The following KCNAB1 variants were observed in gnomAD, a reference collection of about 807,000 sequenced individuals.
The protein encoded by KCNAB1 is voltage-gated potassium channel subunit beta-1.
KCNAB1 carries 35 observed loss-of-function variants against 64.6 expected under a neutral mutation model. That is an observed-to-expected ratio of 0.54 (90% CI 0.41 to 0.72). The LOEUF (loss-of-function observed/expected upper bound fraction) is 0.72, where lower values mean the gene tolerates loss of function less well. Among genes scored for constraint, KCNAB1 ranks in the 30% least tolerant of loss-of-function variants. KCNAB1 has a pLI of 0.00. For missense variants in KCNAB1, 401 were observed against 512.9 expected (o/e 0.78, Z 2.11); for synonymous variants, 177 against 183.8 (o/e 0.96, Z 0.30).
intron 8 of KCNAB1, among the ~76,000 whole-genome samples, chr3:156,509,308 T>C (rs890933867): frequency 6.6e-6 from 1 of 152,198 alleles, no homozygotes; most frequent in Non-Finnish European, 1.5e-5. Flanking sequence ...AAAACACATA[T>C]GCAGACTTTG....
intron 1 of KCNAB1, among the ~76,000 whole-genome samples, chr3:156,162,525 G>C (rs1397354597): frequency 6.6e-6 from 1 of 152,118 alleles, no homozygotes; most frequent in East Asian, 1.9e-4. Context: ...GCTGTATCTT[G>C]AGGTTGGAGA....
At chr3:156,277,348 CAG>C (rs1485576523) in intron 1 of KCNAB1, among the ~76,000 whole-genome samples, 6 of 152,104 alleles carry the variant, frequency 3.9e-5, no homozygotes, top group Admixed American at 3.9e-4. Context: ...AAATATGACA[CAG>C]AGACATGAAG....
At chr3:156,204,306 T>C (rs1714520598) in intron 1 of KCNAB1, among the ~76,000 whole-genome samples, 1 of 152,208 alleles carries the variant, frequency 6.6e-6, no homozygotes, top group South Asian at 2.1e-4. Flanking sequence ...TTCTCTTGTC[T>C]CCAGCTCCTG....
rs114985112 is a variant in KCNAB1 at position 156,255,257 on chromosome 3, C to T, written c.275+134371C>T. On this transcript the variant is annotated intron_variant, in intron 1 of 13. Coordinates refer to ENST00000490337, the MANE Select transcript of KCNAB1 (RefSeq NM_172160.3). ...GGTGCTATGAGCCGGATCTTATTTT[C>T]AATTTGAGGTCATTAATATCATTAG... is the stretch of plus-strand genomic sequence containing the variant. Among the ~76,000 whole-genome samples, 258 of 152,264 alleles carry T rather than the reference C, an allele frequency of 1.7e-3. 1 individual carries two copies. Among genetic ancestry groups the T allele is most frequent in the African/African-American group, 6.1e-3 (252 of 41,538 alleles).
At chr3:156,132,214 ACCCCTT>A (rs967660437) in intron 1 of KCNAB1, among the ~76,000 whole-genome samples, 2 of 152,062 alleles carry the variant, frequency 1.3e-5, no homozygotes, top group African/African-American at 4.8e-5. Context: ...TTCAAACTGG[ACCCCTT>A]GACCTGACCT....
At chr3:156,476,537 ACACACACACG>A (rs1435572453) in intron 8 of KCNAB1, among the ~76,000 whole-genome samples, 138 of 149,984 alleles carry the variant, frequency 9.2e-4, no homozygotes, top group Non-Finnish European at 1.1e-3. Context: ...ACACACACAC[ACACACACACG>A]CACACACACA....
intron 1 of KCNAB1, among the ~76,000 whole-genome samples, chr3:156,149,066 C>T: frequency 6.6e-6 from 1 of 152,046 alleles, no homozygotes; most frequent in East Asian, 1.9e-4. Flanking sequence ...ATATTTGAGC[C>T]AGAATGAAAT....
At chr3:156,372,596 TGGAGTCTGA>T (rs1726386236) in intron 1 of KCNAB1, among the ~76,000 whole-genome samples, 3 of 152,200 alleles carry the variant, frequency 2.0e-5, no homozygotes, top group South Asian at 2.1e-4. Flanking sequence ...TGTACAAGTG[TGGAGTCTGA>T]ACAACTCTGG....
At chr3:156,354,459 C>T (rs1560213119) in intron 1 of KCNAB1, among the ~76,000 whole-genome samples, 1 of 151,922 alleles carries the variant, frequency 6.6e-6, no homozygotes, top group South Asian at 2.1e-4. Flanking sequence ...CCGTGCCCAG[C>T]CCATAATATC....
chr3:156,128,127 G>A (rs1377367955), intron 1 of KCNAB1, among the ~76,000 whole-genome samples: 1 of 152,106 alleles, frequency 6.6e-6, no homozygotes, highest in Non-Finnish European at 1.5e-5. Context: ...TTGGTTGAGG[G>A]GCCAGGAGAC....
chr3:156,143,566 C>CTTTTTTTTT, intron 1 of KCNAB1: 1 of 159,596 alleles, frequency 6.3e-6, no homozygotes, highest in Non-Finnish European at 1.0e-5. Flanking sequence ...GGGTTGCATT[C>CTTTTTTTTT]TTGTTTTTTT....
At chr3:156,433,715 G>T (rs750264105) in intron 2 of KCNAB1, among the ~76,000 whole-genome samples, 3 of 152,170 alleles carry the variant, frequency 2.0e-5, no homozygotes, top group Non-Finnish European at 4.4e-5. Flanking sequence ...CTGTCAGCTT[G>T]ACAAGGGAAA....
At chr3:156,169,151 C>T (rs1408218192) in intron 1 of KCNAB1, among the ~76,000 whole-genome samples, 1 of 152,002 alleles carries the variant, frequency 6.6e-6, no homozygotes. Context: ...AATAAGTTCC[C>T]AAAAGCAACA....
At position 156,210,781 on chromosome 3, in the gene KCNAB1, C is replaced by T. The variant is rs554789639; in HGVS notation, c.275+89895C>T. ...GGGCTGGGACTGTACCTGGCAGGCA[C>T]CTGCATCTGGAAGCCATGCTTCAGT... On this transcript the variant is annotated intron_variant, in intron 1 of 13. Coordinates refer to ENST00000490337, the MANE Select transcript of KCNAB1 (RefSeq NM_172160.3). 9.8e-5 allele frequency among the ~76,000 whole-genome samples: 15 copies of T among 152,324 alleles called. 1 individual carries two copies. Among genetic ancestry groups the T allele is most frequent in the Middle Eastern group, 6.8e-3 (2 of 294 alleles).
At chr3:156,163,715 C>T (rs1450203407) in intron 1 of KCNAB1, among the ~76,000 whole-genome samples, 1 of 152,120 alleles carries the variant, frequency 6.6e-6, no homozygotes, top group Non-Finnish European at 1.5e-5. Flanking sequence ...TGAATTTTGT[C>T]TTTATTCTTG....
At chr3:156,536,594 G>C in intron 13 of KCNAB1, 64 bp from the exon 14 acceptor site, 1 of 1,116,468 alleles carries the variant, frequency 9.0e-7, no homozygotes, top group Non-Finnish European at 1.4e-6. Flanking sequence ...TAAATATAGA[G>C]CACAAAAAAC....
At chr3:156,369,309 G>A (rs1054817972) in intron 1 of KCNAB1, among the ~76,000 whole-genome samples, 6 of 152,126 alleles carry the variant, frequency 3.9e-5, no homozygotes, top group Non-Finnish European at 8.8e-5. Context: ...ATATTCCATT[G>A]TACGAATATA....
intron 1 of KCNAB1, among the ~76,000 whole-genome samples, chr3:156,358,236 A>G (rs1725388330): frequency 6.6e-6 from 1 of 152,222 alleles, no homozygotes; most frequent in African/African-American, 2.4e-5. Flanking sequence ...ATGAGGCTTG[A>G]GAATTTTTTT....
intron 1 of KCNAB1, among the ~76,000 whole-genome samples, chr3:156,384,254 C>T (rs544039618): frequency 3.3e-5 from 5 of 152,132 alleles, no homozygotes; most frequent in Admixed American, 6.5e-5. Flanking sequence ...GCTTCACCAC[C>T]GTCTTTTTAC....
Sources: allele counts gnomAD v4.1 joint callset (sites outside exome capture counted in the v4.1 genomes callset), GRCh38; gene constraint gnomAD v4.1.1; transcripts MANE v1.5; gene names NCBI Gene and HGNC (gene_info 2026-07-23, HGNC 2026-07-21).